Variants in DSCAM observed in about 807,000 individuals in gnomAD.
DSCAM encodes the protein DS cell adhesion molecule.
DSCAM carries 47 observed loss-of-function variants against 217.7 expected under a neutral mutation model. That is an observed-to-expected ratio of 0.22 (90% CI 0.17 to 0.28). DSCAM has a LOEUF of 0.28. Among genes scored for constraint, DSCAM ranks in the 10% least tolerant of loss-of-function variants. The pLI is 1.00. For synonymous variants in DSCAM, 1,056 were observed against 1,015.3 expected (o/e 1.04, Z -0.76); for missense variants, 2,080 against 2,618.3 (o/e 0.79, Z 4.49).
At chr21:40,616,009 T>A (rs970636265) in intron 3 of DSCAM, among the ~76,000 whole-genome samples, 1 of 151,516 alleles carries the variant, frequency 6.6e-6, no homozygotes, top group Non-Finnish European at 1.5e-5. Context: ...CACACACACA[T>A]GCATACAAGA....
At position 40,720,215 on chromosome 21, in the gene DSCAM, T is replaced by C. The variant is rs115605760; in HGVS notation, c.44-11444A>G. Among the ~76,000 whole-genome samples the C allele has an allele frequency of 5.1e-3, 779 of 152,332 alleles. 4 individuals are homozygous for C. The highest frequency in any genetic ancestry group is 0.018 in the African/African-American group (742 of 41,580). On this transcript the variant is annotated intron_variant, in intron 1 of 32. Coordinates refer to ENST00000400454, the MANE Select transcript of DSCAM (RefSeq NM_001389.5). ...CATAGGAATACGTGAGTGGGTATGC[T>C]TACTAAAATGAACTGCTTGTGTAAA...
intron 3 of DSCAM, among the ~76,000 whole-genome samples, chr21:40,661,944 GATTTTTATGATTTAAA>G (rs2090142911): frequency 6.6e-6 from 1 of 152,124 alleles, no homozygotes; most frequent in South Asian, 2.1e-4. Flanking sequence ...CTAAAATTGA[GATTTTTATGATTTAAA>G]ATATGCCTAG....
intron 3 of DSCAM, among the ~76,000 whole-genome samples, chr21:40,507,989 G>A (rs1260626518): frequency 1.2e-4 from 19 of 152,040 alleles, no homozygotes; most frequent in Non-Finnish European, 1.5e-4. Flanking sequence ...TTTGCTAAAT[G>A]TACCTGTGGA....
chr21:40,515,637 A>G (rs868322160), intron 3 of DSCAM, among the ~76,000 whole-genome samples: 13 of 152,326 alleles, frequency 8.5e-5, no homozygotes, highest in Non-Finnish European at 1.6e-4. Context: ...ACTCTTAAAA[A>G]TTGCAGTCTT....
chr21:40,560,845 AG>A (rs902225777), intron 3 of DSCAM, among the ~76,000 whole-genome samples: 3 of 152,210 alleles, frequency 2.0e-5, no homozygotes, highest in Non-Finnish European at 4.4e-5. Flanking sequence ...GCCCGGGTAA[AG>A]ATCTAGTTTG....
chr21:40,807,958 G>T (rs1239808427), intron 1 of DSCAM, among the ~76,000 whole-genome samples: 2 of 152,162 alleles, frequency 1.3e-5, no homozygotes, highest in African/African-American at 4.8e-5. Context: ...ACTGTGGTCT[G>T]CTGTCCAGAT....
intron 11 of DSCAM, among the ~76,000 whole-genome samples, chr21:40,209,156 G>C (rs1171712027): frequency 6.6e-6 from 1 of 152,192 alleles, no homozygotes; most frequent in East Asian, 1.9e-4. Flanking sequence ...CTCAGAGCTG[G>C]TTGCCATGGT....
At chr21:40,712,165 T>C (rs1315053309) in intron 1 of DSCAM, among the ~76,000 whole-genome samples, 1 of 152,176 alleles carries the variant, frequency 6.6e-6, no homozygotes, top group Non-Finnish European at 1.5e-5. Context: ...AATAAGGCAA[T>C]GACACAACTA....
At position 40,708,528 on chromosome 21, in the gene DSCAM, T is replaced by C; in HGVS notation, c.287A>G (p.His96Arg). Residue 96 changes from histidine (H) to arginine (R), a missense_variant, in exon 2 of 33, where the codon CAT (histidine) becomes CGT (arginine). Coordinates refer to ENST00000400454, the MANE Select transcript of DSCAM (RefSeq NM_001389.5). ...FPPSSFSTLI[H>R]DNTYYCTAEN... Reference sequence around the variant, plus strand: ...AGCTGTGCAATAATAAGTATTATCATGGATTAAGGTACTGAAGCTTGAAGG... The same window carrying C: ...AGCTGTGCAATAATAAGTATTATCACGGATTAAGGTACTGAAGCTTGAAGG... 6.4e-7 allele frequency: 1 copy of C among 1,567,962 alleles called. No individual in the cohort carries two copies.
At chr21:40,513,619 G>C (rs146392737) in intron 3 of DSCAM, among the ~76,000 whole-genome samples, 48 of 152,142 alleles carry the variant, frequency 3.2e-4, no homozygotes, top group Middle Eastern at 6.8e-3. Flanking sequence ...GCATAAACTA[G>C]TAGAAAAAGA....
In DSCAM at chr21:40,305,554, TA is replaced by T. The variant is rs762988708; in HGVS notation, c.2062+6526del. Among the ~76,000 whole-genome samples the T allele has an allele frequency of 2.0e-5, 3 of 152,168 alleles. No homozygotes were observed. The East Asian group carries it at 5.8e-4, about 29-fold the overall frequency. ...AAATGGTAATGCCTAGGTTTTCTTC[TA>T]GGGTTTTTATGGTTTTAGGTCTAAG... On this transcript the variant is annotated intron_variant, in intron 9 of 32. Coordinates refer to ENST00000400454, the MANE Select transcript of DSCAM (RefSeq NM_001389.5).
chr21:40,070,811 A>T (rs1334751850), intron 27 of DSCAM, among the ~76,000 whole-genome samples: 1 of 152,112 alleles, frequency 6.6e-6, no homozygotes, highest in Non-Finnish European at 1.5e-5. Context: ...CCTACCCCTT[A>T]ATCTGCCTGC....
At chr21:40,774,159 C>T (rs543670346) in intron 1 of DSCAM, among the ~76,000 whole-genome samples, 1 of 152,300 alleles carries the variant, frequency 6.6e-6, no homozygotes, top group African/African-American at 2.4e-5. Context: ...GACTTAGTTA[C>T]TATGAGAGTT....
intron 3 of DSCAM, among the ~76,000 whole-genome samples, chr21:40,453,707 T>A (rs2075740804): frequency 6.6e-6 from 1 of 152,242 alleles, no homozygotes; most frequent in Admixed American, 6.5e-5. Context: ...TAAGAACAGA[T>A]AATATTCAAT....
chr21:40,349,473 T>G (rs1346271266), intron 5 of DSCAM, among the ~76,000 whole-genome samples: 4 of 152,194 alleles, frequency 2.6e-5, no homozygotes, highest in African/African-American at 9.6e-5. Context: ...TAGAAAACAT[T>G]TACTGAGCAT....
At chr21:40,305,027 A>T (rs1164535782) in intron 9 of DSCAM, among the ~76,000 whole-genome samples, 1 of 152,152 alleles carries the variant, frequency 6.6e-6, no homozygotes, top group African/African-American at 2.4e-5. Flanking sequence ...TGGTCCCCAT[A>T]GACTTGCTCG....
intron 32 of DSCAM, among the ~76,000 whole-genome samples, chr21:40,033,724 C>T (rs1355337557): frequency 6.6e-6 from 1 of 151,038 alleles, no homozygotes; most frequent in South Asian, 2.1e-4. Flanking sequence ...CCTCTAGGGG[C>T]AGGGCACAGA....
chr21:40,535,137 T>A (rs987187281), intron 3 of DSCAM, among the ~76,000 whole-genome samples: 11 of 152,218 alleles, frequency 7.2e-5, no homozygotes, highest in Non-Finnish European at 1.3e-4. Flanking sequence ...CTAAGTATCC[T>A]CATTCTTAAA....
At chr21:40,149,884 C>T (rs928390542) in intron 16 of DSCAM, among the ~76,000 whole-genome samples, 2 of 151,090 alleles carry the variant, frequency 1.3e-5, no homozygotes, top group African/African-American at 4.9e-5. Context: ...GCCAACATCA[C>T]TATAACGACA....
Sources: allele counts gnomAD v4.1 joint callset (sites outside exome capture counted in the v4.1 genomes callset), GRCh38; gene constraint gnomAD v4.1.1; transcripts MANE v1.5; gene names NCBI Gene and HGNC (gene_info 2026-07-23, HGNC 2026-07-21).